The following GATB variants were observed in gnomAD, a reference collection of about 807,000 sequenced individuals.
GATB encodes the protein glutamyl-tRNA(Gln) amidotransferase subunit B, mitochondrial.
In GATB, 39 loss-of-function variants were observed where a neutral mutation model predicts 62.3. The ratio of observed to expected loss-of-function variants is 0.63; its 90% CI spans 0.48 to 0.82. The LOEUF (loss-of-function observed/expected upper bound fraction) is 0.82, where lower values mean the gene tolerates loss of function less well. GATB is among the 40% of genes least tolerant of loss of function. The probability of loss-of-function intolerance (pLI) is 0.00; values close to 1 mark genes in which losing one functional copy is unlikely to be tolerated. For missense variants in GATB, 670 were observed against 684.0 expected, an observed-to-expected ratio of 0.98 and a Z score of 0.23; for synonymous variants, 276 against 258.9, an observed-to-expected ratio of 1.07 and a Z score of -0.63.
At chr4:151,678,097 A>G (rs1016006988) in intron 11 of GATB, among the ~76,000 whole-genome samples, 1 of 152,174 alleles carries the variant, frequency 6.6e-6, no homozygotes, top group African/African-American at 2.4e-5. Flanking sequence ...AAAAACAGAA[A>G]AAAAAGGTAG....
intron 2 of GATB, among the ~76,000 whole-genome samples, chr4:151,746,193 A>AGT (rs1739590830): frequency 1.3e-5 from 2 of 152,182 alleles, no homozygotes; most frequent in Non-Finnish European, 1.5e-5. Flanking sequence ...ACAAAAAGTG[A>AGT]GTGTGTGTGT....
At chr4:151,732,160 G>A (rs1163657318) in intron 2 of GATB, among the ~76,000 whole-genome samples, 6 of 150,030 alleles carry the variant, frequency 4.0e-5, no homozygotes, top group African/African-American at 7.4e-5. Flanking sequence ...GCCTCTGCCC[G>A]GCCACCCCTT....
chr4:151,701,621 G>A, intron 8 of GATB, 103 bp from the exon 9 acceptor site: 1 of 801,716 alleles, frequency 1.2e-6, no homozygotes, highest in Non-Finnish European at 1.8e-6. Flanking sequence ...TAGATGCCAT[G>A]TTACTTGCAA....
intron 2 of GATB, among the ~76,000 whole-genome samples, chr4:151,736,275 C>T (rs1739371779): frequency 6.6e-6 from 1 of 152,122 alleles, no homozygotes; most frequent in Non-Finnish European, 1.5e-5. Flanking sequence ...TGCAAATAGA[C>T]ACCATATACA....
At chr4:151,690,832 A>T (rs1738350645) in intron 9 of GATB, among the ~76,000 whole-genome samples, 1 of 152,134 alleles carries the variant, frequency 6.6e-6, no homozygotes, top group Admixed American at 6.5e-5. Context: ...TCAGTCCACA[A>T]TTTAAAGCAG....
intron 2 of GATB, among the ~76,000 whole-genome samples, chr4:151,742,019 G>A (rs571800700): frequency 4.5e-4 from 68 of 151,990 alleles, no homozygotes; most frequent in Middle Eastern, 3.4e-3. Context: ...ACCAACCTTG[G>A]CCCTAACTAG....
At chr4:151,716,476 A>G (rs1738915672) in intron 4 of GATB, among the ~76,000 whole-genome samples, 1 of 151,878 alleles carries the variant, frequency 6.6e-6, no homozygotes, top group South Asian at 2.1e-4. Flanking sequence ...AGGTCTCGCT[A>G]TGTTGCCCAG....
At chr4:151,682,127 G>T (rs754942241) in intron 10 of GATB, among the ~76,000 whole-genome samples, 11 of 152,146 alleles carry the variant, frequency 7.2e-5, no homozygotes, top group Non-Finnish European at 1.0e-4. Context: ...TCATCAGTTG[G>T]GTCATAAATT....
rs534113087 is a variant in GATB, at chr4:151,731,843, C to T, written c.328-12305G>A. 8.4e-3 allele frequency among the ~76,000 whole-genome samples: 1,263 copies of T among 150,194 alleles called. 23 individuals are homozygous for T. Among genetic ancestry groups the T allele is most frequent in the African/African-American group, 0.029 (1,179 of 40,000 alleles). ...GTGAGGAGCCCCTCTGCCCGGCAGC[C>T]GCCCCATCTGAGAAGTGAGGAGCCC... On this transcript the variant is annotated intron_variant, in intron 2 of 12. Transcript: ENST00000263985.
chr4:151,681,651 G>T (rs1738140040), intron 10 of GATB, among the ~76,000 whole-genome samples: 1 of 152,154 alleles, frequency 6.6e-6, no homozygotes, highest in African/African-American at 2.4e-5. Context: ...CATACAAGTC[G>T]ATGATTGCCT....
intron 3 of GATB, among the ~76,000 whole-genome samples, chr4:151,719,111 A>C (rs1425877960): frequency 6.6e-6 from 1 of 152,240 alleles, no homozygotes; most frequent in African/African-American, 2.4e-5. Flanking sequence ...TTTTGTACTA[A>C]CAGGCAATTA....
intron 5 of GATB, among the ~76,000 whole-genome samples, chr4:151,710,059 TAGA>T (rs1004936720): frequency 2.0e-5 from 3 of 152,164 alleles, no homozygotes; most frequent in Admixed American, 2.0e-4. Flanking sequence ...CGCCTCCTCC[TAGA>T]AGCCCTCCTC....
At chr4:151,709,775 CTATA>C (rs3840299) in intron 5 of GATB, among the ~76,000 whole-genome samples, 85,789 of 151,536 alleles carry the variant, frequency 0.57, 26,037 homozygotes, top group African/African-American at 0.8. Flanking sequence ...TTTCATCCTG[CTATA>C]TATAGTCTGG....
chr4:151,673,873 G>A (rs564199988), intron 11 of GATB: 18 of 152,140 alleles, frequency 1.2e-4, no homozygotes, highest in Non-Finnish European at 2.2e-4. Flanking sequence ...GGCCGAGAAC[G>A]GGCCAACCAG....
At chr4:151,720,716 A>C (rs1356601229) in intron 2 of GATB, 1 of 152,198 alleles carries the variant, frequency 6.6e-6, no homozygotes, top group Non-Finnish European at 1.5e-5. Flanking sequence ...CTAAGACCCA[A>C]AGAGTCTAAA....
chr4:151,731,599 C>T (rs1394165317), intron 2 of GATB, among the ~76,000 whole-genome samples: 1 of 152,146 alleles, frequency 6.6e-6, no homozygotes, highest in East Asian at 1.9e-4. Flanking sequence ...TGAGGAACGC[C>T]TCTGCCCGGC....
At chr4:151,680,076 A>G (rs1738105294) in intron 10 of GATB, among the ~76,000 whole-genome samples, 185 bp from the exon 11 acceptor site, 1 of 152,200 alleles carries the variant, frequency 6.6e-6, no homozygotes, top group African/African-American at 2.4e-5. Flanking sequence ...CTTAGGATAT[A>G]ACAAATTTTT....
chr4:151,715,860 A>G, intron 5 of GATB, 149 bp downstream of exon 5: 1 of 918,396 alleles, frequency 1.1e-6, no homozygotes, highest in East Asian at 2.9e-5. Context: ...ACAAACAACA[A>G]CAACAAAAAA....
intron 2 of GATB, among the ~76,000 whole-genome samples, chr4:151,757,898 C>T (rs1739869116): frequency 6.6e-6 from 1 of 152,194 alleles, no homozygotes; most frequent in African/African-American, 2.4e-5. Context: ...TGGCAGGAAA[C>T]CCCAAACACA....
Sources: allele counts gnomAD v4.1 joint callset (sites outside exome capture counted in the v4.1 genomes callset), GRCh38; gene constraint gnomAD v4.1.1; transcripts MANE v1.5; gene names NCBI Gene and HGNC (gene_info 2026-07-23, HGNC 2026-07-21).